The following SAMD5 variants were observed in gnomAD, a reference collection of about 807,000 sequenced individuals.
SAMD5 encodes the protein sterile alpha motif domain containing 5.
Under a neutral mutation model 11.3 loss-of-function variants are expected in SAMD5, and 13 were observed. The ratio of observed to expected loss-of-function variants is 1.15; its 90% CI spans 0.75 to 1.83. The LOEUF is 1.83. SAMD5 is among the 40% of genes most tolerant of loss of function. The pLI is 0.00. For synonymous variants in SAMD5, 129 were observed against 111.3 expected (o/e 1.16, Z -1.00); for missense variants, 255 against 239.1 (o/e 1.07, Z -0.44).
At chr6:147,807,618 C>T in the SAMD5 span, among the ~76,000 whole-genome samples, 1 of 152,074 alleles carries the variant, frequency 6.6e-6, no homozygotes, top group Non-Finnish European at 1.5e-5. Flanking sequence ...GATAGTTTGC[C>T]CCACCCTCAT....
At chr6:147,865,111 C>G in the SAMD5 span, among the ~76,000 whole-genome samples, 11 of 152,238 alleles carry the variant, frequency 7.2e-5, no homozygotes, top group African/African-American at 2.4e-4. Context: ...TCTGTTGAGG[C>G]CAGTGTTCCA....
chr6:147,734,721 A>AAAAAAAAAAAAAAAAAAAAC (rs1791769392), intron 1 of SAMD5, among the ~76,000 whole-genome samples: 1 of 131,772 alleles, frequency 7.6e-6, no homozygotes, highest in African/African-American at 3.3e-5. Flanking sequence ...TAAAAAAAAA[A>AAAAAAAAAAAAAAAAAAAAC]AAAAAAAAAA....
At chr6:147,914,217 T>C in the SAMD5 span, among the ~76,000 whole-genome samples, 1 of 150,972 alleles carries the variant, frequency 6.6e-6, no homozygotes, top group Non-Finnish European at 1.5e-5. Context: ...ATTTTATGCA[T>C]GGCCTGAGAC....
At chr6:147,691,732 G>T (rs777053029) in intron 1 of SAMD5, among the ~76,000 whole-genome samples, 8 of 152,094 alleles carry the variant, frequency 5.3e-5, no homozygotes, top group African/African-American at 1.9e-4. Flanking sequence ...TTTTTGACTT[G>T]CTTATTTGAG....
the SAMD5 span, among the ~76,000 whole-genome samples, chr6:147,903,637 C>A: frequency 1.6e-4 from 24 of 152,234 alleles, no homozygotes; most frequent in South Asian, 5.0e-3. Context: ...CAGCCGGGTG[C>A]GGTGGCTCAC....
At chr6:147,926,263 A>G in the SAMD5 span, among the ~76,000 whole-genome samples, 2 of 152,180 alleles carry the variant, frequency 1.3e-5, no homozygotes, top group Non-Finnish European at 2.9e-5. Flanking sequence ...GAATTGTCAC[A>G]CTGCTTTCCA....
the SAMD5 span, among the ~76,000 whole-genome samples, chr6:147,749,832 G>A: frequency 1.3e-5 from 2 of 152,200 alleles, no homozygotes; most frequent in African/African-American, 2.4e-5. Context: ...TACTAAAGTA[G>A]TGTGTATATG....
intron 1 of SAMD5, among the ~76,000 whole-genome samples, chr6:147,624,543 G>C (rs561965536): frequency 6.6e-6 from 1 of 152,274 alleles, no homozygotes; most frequent in East Asian, 1.9e-4. Context: ...TCCCATCCAG[G>C]TTGCTGAGAA....
At chr6:147,622,122 A>G (rs531432558) in intron 1 of SAMD5, among the ~76,000 whole-genome samples, 111 of 152,292 alleles carry the variant, frequency 7.3e-4, no homozygotes, top group Middle Eastern at 3.4e-3. Flanking sequence ...AAAGATAGGC[A>G]GGGTACAGTC....
chr6:147,844,337 A>C, the SAMD5 span, among the ~76,000 whole-genome samples: 2 of 152,222 alleles, frequency 1.3e-5, no homozygotes, highest in Admixed American at 1.3e-4. Flanking sequence ...AAAAAGATGA[A>C]AGATAAATGT....
chr6:147,733,808 TA>T, intron 1 of SAMD5: 1 of 955,074 alleles, frequency 1.0e-6, no homozygotes, highest in African/African-American at 1.8e-5. Context: ...AAGCCAGTTT[TA>T]AGGTAAGCCG....
chr6:147,672,040 C>T (rs760185622), intron 1 of SAMD5, among the ~76,000 whole-genome samples: 2 of 151,740 alleles, frequency 1.3e-5, no homozygotes, highest in African/African-American at 4.8e-5. Context: ...GGAGCGTTTA[C>T]GTGTTTACAA....
chr6:147,547,836 A>G (rs138615561), intron 1 of SAMD5, among the ~76,000 whole-genome samples: 1 of 152,210 alleles, frequency 6.6e-6, no homozygotes, highest in Admixed American at 6.5e-5. Flanking sequence ...TTAGGAAGGA[A>G]GTTTTTTCAT....
chr6:147,726,168 C>T (rs1791623924), intron 1 of SAMD5, among the ~76,000 whole-genome samples: 1 of 152,176 alleles, frequency 6.6e-6, no homozygotes, highest in African/African-American at 2.4e-5. Flanking sequence ...TTCAATGAGG[C>T]TGTTCACAAA....
chr6:147,537,120 G>C (rs554766046), intron 1 of SAMD5, among the ~76,000 whole-genome samples: 1 of 152,160 alleles, frequency 6.6e-6, no homozygotes, highest in South Asian at 2.1e-4. Context: ...ATAACATATA[G>C]TAAGTCATAT....
intron 1 of SAMD5, among the ~76,000 whole-genome samples, chr6:147,661,273 AT>A (rs1308358278): frequency 1.3e-5 from 2 of 152,196 alleles, no homozygotes; most frequent in Non-Finnish European, 2.9e-5. Flanking sequence ...AAAGAATATA[AT>A]TTAAAAATAT....
chr6:147,612,481 G>A (rs1156318360), intron 1 of SAMD5, among the ~76,000 whole-genome samples: 1 of 152,076 alleles, frequency 6.6e-6, no homozygotes, highest in African/African-American at 2.4e-5. Context: ...GAAGGATCAA[G>A]TCTACACTTC....
At chr6:147,552,454 C>T (rs962288919) in intron 1 of SAMD5, among the ~76,000 whole-genome samples, 1 of 152,106 alleles carries the variant, frequency 6.6e-6, no homozygotes, top group Non-Finnish European at 1.5e-5. Flanking sequence ...ATACCATTCC[C>T]CTGGGAAAGT....
At chr6:147,878,240 C>T in the SAMD5 span, among the ~76,000 whole-genome samples, 1 of 152,014 alleles carries the variant, frequency 6.6e-6, no homozygotes, top group Non-Finnish European at 1.5e-5. Flanking sequence ...TGAGGACCCT[C>T]TTCCTGATTC....
Sources: allele counts gnomAD v4.1 joint callset (sites outside exome capture counted in the v4.1 genomes callset), GRCh38; gene constraint gnomAD v4.1.1; transcripts MANE v1.5; gene names NCBI Gene and HGNC (gene_info 2026-07-23, HGNC 2026-07-21).